The following ISM1 variants were observed in gnomAD, a reference collection of about 807,000 sequenced individuals.
ISM1 encodes the protein isthmin 1.
Under a neutral mutation model 46.3 loss-of-function variants are expected in ISM1, and 25 were observed. That is an observed-to-expected ratio of 0.54 (90% CI 0.39 to 0.75). The LOEUF (loss-of-function observed/expected upper bound fraction) is 0.75, where lower values mean the gene tolerates loss of function less well. ISM1 is among the 30% of genes least tolerant of loss of function. The pLI is 0.00. For synonymous variants in ISM1, 255 were observed against 256.7 expected, an observed-to-expected ratio of 0.99 and a Z score of 0.06; for missense variants, 536 against 625.4, an observed-to-expected ratio of 0.86 and a Z score of 1.52.
intron 5 of ISM1, among the ~76,000 whole-genome samples, chr20:13,297,534 TA>T (rs1364992777): frequency 6.6e-6 from 1 of 152,208 alleles, no homozygotes; most frequent in Admixed American, 6.5e-5. Context: ...TGAGACTCAC[TA>T]AACCTGAAGT....
intron 1 of ISM1, among the ~76,000 whole-genome samples, chr20:13,260,566 T>C (rs930852898): frequency 6.6e-6 from 1 of 152,000 alleles, no homozygotes; most frequent in African/African-American, 2.4e-5. Flanking sequence ...CTCCCCACCC[T>C]CAATTTGATG....
intron 3 of ISM1, among the ~76,000 whole-genome samples, chr20:13,283,985 C>T (rs2040265268): frequency 6.6e-6 from 1 of 152,192 alleles, no homozygotes; most frequent in Non-Finnish European, 1.5e-5. Context: ...ACGGTGGGAG[C>T]AGACAGATCT....
intron 1 of ISM1, chr20:13,238,154 G>A (rs1389890459): frequency 2.0e-5 from 3 of 152,268 alleles, no homozygotes; most frequent in South Asian, 4.2e-4. Context: ...ACTGTGAGGT[G>A]GACATTCCAT....
chr20:13,271,469 A>AT lies in ISM1; in HGVS notation c.378+729dup, dbSNP rs1267098414. On this transcript the variant is annotated intron_variant, in intron 2 of 5. Coordinates refer to ENST00000262487, the MANE Select transcript of ISM1 (RefSeq NM_080826.2). ...ACTTTACAAAGCAAATGTTGATCGG[A>AT]TTTGACCCTCCCAACACCCTCATGA... Among the ~76,000 whole-genome samples, 9 of 152,184 alleles carry AT rather than the reference A, an allele frequency of 5.9e-5. No individual in the cohort carries two copies. In the South Asian group the frequency reaches 6.2e-4, roughly 11 times the overall value.
intron 1 of ISM1, among the ~76,000 whole-genome samples, chr20:13,253,844 CA>C (rs1387739592): frequency 4.0e-5 from 4 of 99,686 alleles, no homozygotes; most frequent in African/African-American, 1.7e-4. Flanking sequence ...ATTAAAATAA[CA>C]CATACACATC....
At chr20:13,276,709 T>C (rs1370093699) in intron 2 of ISM1, among the ~76,000 whole-genome samples, 3 of 152,214 alleles carry the variant, frequency 2.0e-5, no homozygotes, top group East Asian at 1.9e-4. Flanking sequence ...GTTCATCACA[T>C]TGATCATTGT....
intron 1 of ISM1, among the ~76,000 whole-genome samples, chr20:13,235,927 C>CTTTTT (rs72361165): frequency 6.7e-6 from 1 of 149,578 alleles, no homozygotes; most frequent in African/African-American, 2.5e-5. Context: ...TTGTACTTCC[C>CTTTTT]TTTTTTCTTT....
At chr20:13,232,055 C>T (rs1490593852) in intron 1 of ISM1, among the ~76,000 whole-genome samples, 1 of 152,200 alleles carries the variant, frequency 6.6e-6, no homozygotes, top group African/African-American at 2.4e-5. Context: ...TCACCAAGGA[C>T]AAAGAAACAA....
the ISM1 span, among the ~76,000 whole-genome samples, chr20:13,318,715 G>A: frequency 6.2e-4 from 94 of 152,258 alleles, no homozygotes; most frequent in African/African-American, 2.1e-3. Context: ...GAAATGAGCC[G>A]TCAAGCCATG....
At position 13,299,473 on chromosome 20, in the gene ISM1, A is replaced by C. The variant is rs1333792590; in HGVS notation, c.*14A>C. ...AGGGAATATTAAAGAGACTGGGATG[A>C]GGTGGAGGACGCTGCCTCTGGTTCT... On this transcript the variant is annotated 3_prime_UTR_variant, in exon 6 of 6. Transcript: ENST00000262487. This position sits in a 1 kb window ranked among gnomAD's most constrained non-coding sequence, Gnocchi z 5.8. 1.9e-6 allele frequency: 3 copies of C among 1,582,810 alleles called. No homozygotes were observed. The highest frequency in any genetic ancestry group is 2.2e-5 in the South Asian group (2 of 89,718).
intron 1 of ISM1, among the ~76,000 whole-genome samples, chr20:13,236,661 A>C (rs2039653699): frequency 6.6e-6 from 1 of 152,242 alleles, no homozygotes; most frequent in African/African-American, 2.4e-5. Flanking sequence ...CTTCCTAGAT[A>C]CAATGGGGGT....
At chr20:13,320,897 T>C in the ISM1 span, among the ~76,000 whole-genome samples, 15 of 152,198 alleles carry the variant, frequency 9.9e-5, no homozygotes, top group Admixed American at 7.9e-4. Context: ...CATGAGGTGA[T>C]GGTGGAAATC....
chr20:13,255,275 G>T (rs550855834), intron 1 of ISM1, among the ~76,000 whole-genome samples: 1 of 152,112 alleles, frequency 6.6e-6, no homozygotes, highest in Non-Finnish European at 1.5e-5. Flanking sequence ...TTGAAAAAAT[G>T]GATAAAATGC....
chr20:13,234,198 T>C (rs915262092), intron 1 of ISM1, among the ~76,000 whole-genome samples: 1 of 152,178 alleles, frequency 6.6e-6, no homozygotes, highest in Non-Finnish European at 1.5e-5. Flanking sequence ...CCCCCACTTA[T>C]AAGGGAGAAC....
the ISM1 span, among the ~76,000 whole-genome samples, chr20:13,315,616 T>C: frequency 6.6e-6 from 1 of 152,010 alleles, no homozygotes; most frequent in Non-Finnish European, 1.5e-5. Context: ...ACATCCCTCA[T>C]AGTTGAACTC....
At chr20:13,263,802 T>C (rs962914859) in intron 1 of ISM1, among the ~76,000 whole-genome samples, 6 of 152,346 alleles carry the variant, frequency 3.9e-5, no homozygotes, top group African/African-American at 1.4e-4. Flanking sequence ...CAGCCCCAAA[T>C]GAGGATATAT....
the ISM1 span, among the ~76,000 whole-genome samples, chr20:13,319,285 T>A: frequency 6.6e-6 from 1 of 152,064 alleles, no homozygotes; most frequent in Admixed American, 6.5e-5. Flanking sequence ...TATGAGCAAC[T>A]GCTGGCTCCT....
intron 4 of ISM1, among the ~76,000 whole-genome samples, chr20:13,290,632 C>T (rs6105067): frequency 0.41 from 61,560 of 151,578 alleles, 13,516 homozygotes; most frequent in African/African-American, 0.59. Context: ...CACTCCAGCC[C>T]GGGCGACAGA....
intron 1 of ISM1, among the ~76,000 whole-genome samples, chr20:13,228,076 G>A (rs1021936391): frequency 1.1e-4 from 17 of 150,084 alleles, no homozygotes; most frequent in East Asian, 6.1e-4. Flanking sequence ...GGGTTCAAGC[G>A]ATTCTCGTGC....
Sources: allele counts gnomAD v4.1 joint callset (sites outside exome capture counted in the v4.1 genomes callset), GRCh38; gene constraint gnomAD v4.1.1; non-coding constraint Gnocchi (gnomAD v3.1); transcripts MANE v1.5; gene names NCBI Gene and HGNC (gene_info 2026-07-23, HGNC 2026-07-21).